SRP9: variants seen among roughly 807,000 people sequenced by gnomAD.
The protein encoded by SRP9 is signal recognition particle 9 kDa protein.
Under a neutral mutation model 11.7 loss-of-function variants are expected in SRP9, and 2 were observed. The ratio of observed to expected loss-of-function variants is 0.17; its 90% CI spans 0.07 to 0.54. SRP9 has a LOEUF of 0.54. SRP9 is among the 20% of genes least tolerant of loss of function. SRP9 has a pLI of 0.94. For synonymous variants in SRP9, 27 were observed against 35.6 expected, an observed-to-expected ratio of 0.76 and a Z score of 0.86; for missense variants, 54 against 108.1, an observed-to-expected ratio of 0.50 and a Z score of 2.22.
At chr1:225,783,745 A>G (rs559603681) in intron 2 of SRP9, among the ~76,000 whole-genome samples, 2 of 152,268 alleles carry the variant, frequency 1.3e-5, no homozygotes, top group Admixed American at 6.5e-5. Context: ...CTCATATCCC[A>G]TTCATTCCTT....
At chr1:225,787,964 A>G (rs1267081216) in intron 2 of SRP9, among the ~76,000 whole-genome samples, 1 of 152,238 alleles carries the variant, frequency 6.6e-6, no homozygotes, top group Non-Finnish European at 1.5e-5. Flanking sequence ...GTTGACTTTT[A>G]TTATAGGATC....
intron 1 of SRP9, among the ~76,000 whole-genome samples, chr1:225,779,291 C>T (rs1446756045): frequency 1.3e-5 from 2 of 152,044 alleles, no homozygotes; most frequent in Non-Finnish European, 2.9e-5. Flanking sequence ...TTTACAGGCG[C>T]CTGCCACCAC....
At chr1:225,784,484 C>T (rs1342068785) in intron 2 of SRP9, among the ~76,000 whole-genome samples, 2 of 150,728 alleles carry the variant, frequency 1.3e-5, no homozygotes, top group African/African-American at 2.4e-5. Context: ...CTCCTGACCT[C>T]GTGATCCACC....
At chr1:225,784,229 C>CTTTTTTTTTTTTTTTTTTTT (rs561503475) in intron 2 of SRP9, among the ~76,000 whole-genome samples, 4 of 34,458 alleles carry the variant, frequency 1.2e-4, no homozygotes, top group Non-Finnish European at 2.0e-4. Context: ...ATCACCTGTT[C>CTTTTTTTTTTTTTTTTTTTT]TTTTTTTTTT....
At chr1:225,788,414 A>ATTTT (rs35284825) in intron 2 of SRP9, among the ~76,000 whole-genome samples, 1 of 128,014 alleles carries the variant, frequency 7.8e-6, no homozygotes, top group East Asian at 2.4e-4. Context: ...GCAAATCAAG[A>ATTTT]TTTTTTTTTT....
chr1:225,780,178 A>ATTTTTTT (rs67816765), intron 1 of SRP9, among the ~76,000 whole-genome samples: 1 of 130,182 alleles, frequency 7.7e-6, no homozygotes, highest in Non-Finnish European at 1.6e-5. Context: ...TGCCTGCCTA[A>ATTTTTTT]TTTTTTTTTT....
chr1:225,786,981 T>C, intron 2 of SRP9: 1 of 426,784 alleles, frequency 2.3e-6, no homozygotes, highest in Non-Finnish European at 4.3e-6. Context: ...TAGCAGAGAC[T>C]ACAGGTGTGC....
At chr1:225,787,276 G>T (rs10915876) in intron 2 of SRP9, among the ~76,000 whole-genome samples, 66,755 of 151,768 alleles carry the variant, frequency 0.44, 15,562 homozygotes, top group East Asian at 0.74. Flanking sequence ...GGCTCGTGCT[G>T]GTAATCCCAG....
chr1:225,777,933 A>C lies in SRP9; in HGVS notation c.-8A>C. The C allele has an allele frequency of 6.2e-7, 1 of 1,613,486 alleles. No individual in the cohort carries two copies. The highest frequency in any genetic ancestry group is 8.5e-7 in the Non-Finnish European group (1 of 1,179,448). ...TTGCTTCTCTTTACTTTTCCACTCT[A>C]GGCCACGATGCCGCAGTACCAGACC... On this transcript the variant is annotated 5_prime_UTR_variant, in exon 1 of 3. Coordinates refer to ENST00000304786, the MANE Select transcript of SRP9 (RefSeq NM_003133.6).
chr1:225,784,693 T>A (rs539058280), intron 2 of SRP9, among the ~76,000 whole-genome samples: 2 of 151,790 alleles, frequency 1.3e-5, no homozygotes, highest in African/African-American at 4.8e-5. Context: ...TACAAAAAAA[T>A]TAGCCAGGCA....
intron 1 of SRP9, among the ~76,000 whole-genome samples, chr1:225,782,321 G>A (rs960594155): frequency 1.3e-5 from 2 of 151,882 alleles, no homozygotes. Context: ...TCATCACCAC[G>A]CCCGGCTAAT....
intron 1 of SRP9, 99 bp from the exon 2 acceptor site, chr1:225,783,197 GTATT>G (rs776134205): frequency 5.7e-5 from 44 of 770,950 alleles, no homozygotes; most frequent in Non-Finnish European, 7.8e-5. Context: ...ATGTTTGGGG[GTATT>G]TATTCTAAAA....
intron 1 of SRP9, among the ~76,000 whole-genome samples, chr1:225,779,727 A>C (rs550061485): frequency 6.6e-6 from 1 of 152,332 alleles, no homozygotes; most frequent in East Asian, 1.9e-4. Context: ...TTTTAAATTG[A>C]GTAATTTGTT....
chr1:225,780,327 GAT>G (rs957626986), intron 1 of SRP9, among the ~76,000 whole-genome samples: 2 of 151,756 alleles, frequency 1.3e-5, no homozygotes, highest in African/African-American at 4.8e-5. Flanking sequence ...TGGCTTGACT[GAT>G]ATGTTGAGAG....
chr1:225,786,708 C>A (rs1575954592), intron 2 of SRP9, among the ~76,000 whole-genome samples: 1 of 152,118 alleles, frequency 6.6e-6, no homozygotes, highest in East Asian at 1.9e-4. Context: ...AAAAATTTAG[C>A]CTTCTGGTCT....
chr1:225,786,598 G>A (rs920069535), intron 2 of SRP9, among the ~76,000 whole-genome samples: 1 of 152,162 alleles, frequency 6.6e-6, no homozygotes, highest in African/African-American at 2.4e-5. Context: ...TGTGGAAAAG[G>A]AAGAGTGAAT....
intron 2 of SRP9, among the ~76,000 whole-genome samples, chr1:225,784,229 C>CTTTTTT (rs561503475): frequency 0.013 from 462 of 34,478 alleles, 79 homozygotes; most frequent in Middle Eastern, 0.033. Flanking sequence ...ATCACCTGTT[C>CTTTTTT]TTTTTTTTTT....
intron 2 of SRP9, 67 bp downstream of exon 2, chr1:225,783,435 A>G: frequency 7.5e-7 from 1 of 1,329,234 alleles, no homozygotes; most frequent in Non-Finnish European, 1.1e-6. Flanking sequence ...GTTTGAAATT[A>G]TTTACTTAGA....
At chr1:225,787,263 G>A (rs559461405) in intron 2 of SRP9, among the ~76,000 whole-genome samples, 62 of 152,214 alleles carry the variant, frequency 4.1e-4, no homozygotes, top group African/African-American at 1.3e-3. Flanking sequence ...GGCCGGGCGC[G>A]GTGGCTCGTG....
Sources: gnomAD v4.1 joint callset for allele counts (sites outside exome capture counted in the v4.1 genomes callset) on GRCh38, gnomAD v4.1.1 for gene constraint, MANE v1.5 for transcripts, NCBI Gene and HGNC (gene_info 2026-07-23, HGNC 2026-07-21) for gene names.